ZNF385D: variants seen among roughly 807,000 people sequenced by gnomAD.
The protein encoded by ZNF385D is zinc finger protein 385D.
ZNF385D carries 15 observed loss-of-function variants against 35.8 expected under a neutral mutation model. The observed-to-expected ratio is 0.42, with a 90% CI of 0.28 to 0.64. The LOEUF (loss-of-function observed/expected upper bound fraction) is 0.64, where lower values mean the gene tolerates loss of function less well. Ranked by LOEUF, ZNF385D falls within the 30% of genes least tolerant of loss-of-function variation. The pLI is 0.23. For synonymous variants in ZNF385D, 212 were observed against 186.8 expected (o/e 1.13, Z -1.10); for missense variants, 474 against 494.6 (o/e 0.96, Z 0.39).
chr3:21,854,930 T>A (rs995263890), intron 3 of ZNF385D, among the ~76,000 whole-genome samples: 1 of 151,974 alleles, frequency 6.6e-6, no homozygotes, highest in African/African-American at 2.4e-5. Flanking sequence ...TCTTCATTAA[T>A]CTGATCTGTA....
intron 2 of ZNF385D, among the ~76,000 whole-genome samples, chr3:22,261,833 C>T (rs937844336): frequency 6.6e-6 from 1 of 151,988 alleles, no homozygotes; most frequent in Admixed American, 6.6e-5. Flanking sequence ...CCTCTACTTC[C>T]TCCTCAAGCC....
chr3:22,022,596 T>C (rs1314444461), intron 3 of ZNF385D, among the ~76,000 whole-genome samples: 2 of 152,278 alleles, frequency 1.3e-5, no homozygotes, highest in East Asian at 3.9e-4. Flanking sequence ...ATGAACAGCA[T>C]GTCCACTGTG....
chr3:22,368,248 TG>T (rs1305244118), intron 2 of ZNF385D, among the ~76,000 whole-genome samples: 1 of 152,168 alleles, frequency 6.6e-6, no homozygotes, highest in East Asian at 1.9e-4. Flanking sequence ...TATACTCTAC[TG>T]GTTTATCAGG....
chr3:21,615,129 A>T (rs1398694164), intron 2 of ZNF385D, among the ~76,000 whole-genome samples: 1 of 152,076 alleles, frequency 6.6e-6, no homozygotes, highest in African/African-American at 2.4e-5. Flanking sequence ...GCCTAGTGGG[A>T]GGTCTTTTGG....
intron 3 of ZNF385D, among the ~76,000 whole-genome samples, chr3:22,112,935 T>C (rs1576341784): frequency 6.6e-6 from 1 of 152,006 alleles, no homozygotes; most frequent in East Asian, 1.9e-4. Context: ...TATACATTGG[T>C]AGAAAATGTG....
intron 3 of ZNF385D, among the ~76,000 whole-genome samples, chr3:22,025,126 T>G (rs949793379): frequency 6.6e-6 from 1 of 152,070 alleles, no homozygotes; most frequent in Non-Finnish European, 1.5e-5. Flanking sequence ...AGTTTGTAAA[T>G]TCTGATGAAC....
intron 3 of ZNF385D, among the ~76,000 whole-genome samples, chr3:21,857,937 G>A (rs1696820894): frequency 6.6e-6 from 1 of 151,776 alleles, no homozygotes; most frequent in South Asian, 2.1e-4. Flanking sequence ...AGTTTCAAAG[G>A]AATCCTAGAA....
intron 3 of ZNF385D, among the ~76,000 whole-genome samples, chr3:21,769,700 T>A: frequency 8.5e-6 from 1 of 117,636 alleles, no homozygotes; most frequent in African/African-American, 3.6e-5. Context: ...CCCATCAAGC[T>A]CCCAATGACT....
intron 2 of ZNF385D, among the ~76,000 whole-genome samples, chr3:22,173,117 G>A (rs1273688874): frequency 1.3e-5 from 2 of 152,164 alleles, no homozygotes; most frequent in South Asian, 2.1e-4. Context: ...ACAAACTAAG[G>A]AACAGTATAC....
chr3:21,919,049 C>T (rs757569410), intron 3 of ZNF385D, among the ~76,000 whole-genome samples: 4 of 152,148 alleles, frequency 2.6e-5, no homozygotes, highest in Admixed American at 6.5e-5. Context: ...TAAATAGTAT[C>T]GTGGACATGG....
At chr3:22,079,588 T>C (rs908122417) in intron 3 of ZNF385D, among the ~76,000 whole-genome samples, 1 of 151,956 alleles carries the variant, frequency 6.6e-6, no homozygotes, top group Non-Finnish European at 1.5e-5. Context: ...TCAGAGCTTT[T>C]TTATTATTGG....
chr3:21,517,375 A>G (rs1707638829), intron 3 of ZNF385D, among the ~76,000 whole-genome samples: 3 of 152,134 alleles, frequency 2.0e-5, no homozygotes, highest in African/African-American at 7.2e-5. Flanking sequence ...AGATGCCTGC[A>G]GACTCCCTGC....
intron 2 of ZNF385D, among the ~76,000 whole-genome samples, chr3:22,307,892 T>C (rs1703322685): frequency 1.3e-5 from 2 of 152,110 alleles, no homozygotes; most frequent in African/African-American, 4.8e-5. Context: ...CAGAATATGT[T>C]TCTAAGGGGA....
intron 4 of ZNF385D, among the ~76,000 whole-genome samples, chr3:21,485,179 A>G (rs1388283539): frequency 1.3e-5 from 2 of 152,180 alleles, no homozygotes; most frequent in Non-Finnish European, 2.9e-5. Context: ...TTTGCTAGAA[A>G]CACGTCAAGG....
intron 2 of ZNF385D, among the ~76,000 whole-genome samples, chr3:22,195,970 G>A (rs969441676): frequency 6.6e-6 from 1 of 152,012 alleles, no homozygotes; most frequent in African/African-American, 2.4e-5. Context: ...TGACCTAAAT[G>A]ATGATAACAC....
At chr3:22,290,480 A>G (rs1487484256) in intron 2 of ZNF385D, among the ~76,000 whole-genome samples, 1 of 152,136 alleles carries the variant, frequency 6.6e-6, no homozygotes, top group Non-Finnish European at 1.5e-5. Context: ...GGGACATAGC[A>G]AGGATCTCTG....
At chr3:21,655,774 A>T (rs2066053589) in intron 2 of ZNF385D, among the ~76,000 whole-genome samples, 2 of 152,082 alleles carry the variant, frequency 1.3e-5, no homozygotes, top group African/African-American at 4.8e-5. Context: ...TGGATCAAGG[A>T]ATCTGAAATC....
chr3:22,149,709 A>T lies in ZNF385D; in HGVS notation c.325+19108T>A, dbSNP rs949358734. Among the ~76,000 whole-genome samples the T allele has an allele frequency of 3.3e-5, 5 of 152,242 alleles. No individual in the cohort carries two copies. In the South Asian group the frequency reaches 1.0e-3, roughly 32 times the overall value. On this transcript the variant is annotated intron_variant, in intron 3 of 5. Transcript: ENST00000494108. ...CAATTTACTGGTTAGTTAATCCTAG[A>T]AGTTCTGTTTGTATTTCTCTCCTTC...
intron 3 of ZNF385D, among the ~76,000 whole-genome samples, chr3:21,944,893 A>C (rs1049704053): frequency 1.3e-5 from 2 of 152,128 alleles, no homozygotes; most frequent in Non-Finnish European, 2.9e-5. Context: ...CAATACCTTC[A>C]TCTTCATTTT....
Sources: allele counts gnomAD v4.1 joint callset (sites outside exome capture counted in the v4.1 genomes callset), GRCh38; gene constraint gnomAD v4.1.1; transcripts MANE v1.5; gene names NCBI Gene and HGNC (gene_info 2026-07-23, HGNC 2026-07-21).